The following PCDHA5 variants were observed in gnomAD, a reference collection of about 807,000 sequenced individuals.
PCDHA5 encodes protocadherin alpha 5.
PCDHA5 carries 43 observed loss-of-function variants against 61.6 expected under a neutral mutation model. That is an observed-to-expected ratio of 0.70 (90% CI 0.55 to 0.90). The LOEUF (loss-of-function observed/expected upper bound fraction) is 0.90. Ranked by LOEUF, PCDHA5 falls within the 40% of genes least tolerant of loss-of-function variation. The pLI is 0.00. For missense variants in PCDHA5, 1,298 were observed against 1,222.7 expected, an observed-to-expected ratio of 1.06 and a Z score of -0.92; for synonymous variants, 627 against 543.9, an observed-to-expected ratio of 1.15 and a Z score of -2.13.
In PCDHA5 at chr5:140,857,745, C is replaced by A. The variant is rs782206343; in HGVS notation, c.2352+33618C>A. ...AACGACAACGCTCCCGCGCTGCTGG[C>A]GTCTCCCGCTGGCAGCGCGGGCGGT... is the stretch of plus-strand genomic sequence containing the variant. On this transcript the variant is annotated intron_variant, in intron 1 of 3. Coordinates refer to ENST00000529859, the MANE Select transcript of PCDHA5 (RefSeq NM_018908.3). 4.6e-5 allele frequency: 73 copies of A among 1,597,310 alleles called. 8 individuals carry two copies. Among genetic ancestry groups the A allele is most frequent in the Non-Finnish European group, 5.8e-5 (68 of 1,167,612 alleles).
intron 3 of PCDHA5, among the ~76,000 whole-genome samples, chr5:141,007,395 C>CAA (rs35800918): frequency 2.8e-4 from 27 of 94,848 alleles, no homozygotes; most frequent in South Asian, 7.0e-4. Context: ...TACTAAAATA[C>CAA]AAAAAAAAAA....
chr5:140,834,793 A>G (rs1554134523), intron 1 of PCDHA5: 4 of 1,613,670 alleles, frequency 2.5e-6, no homozygotes, highest in South Asian at 2.2e-5. Flanking sequence ...CCAGCGACAC[A>G]AAGGAATCTG....
intron 1 of PCDHA5, chr5:140,848,677 C>T: frequency 6.3e-7 from 1 of 1,592,256 alleles, no homozygotes; most frequent in Non-Finnish European, 8.6e-7. Context: ...GAGCTGGTGC[C>T]GCGCCTGTTC....
intron 1 of PCDHA5, among the ~76,000 whole-genome samples, chr5:140,962,075 C>T (rs999623991): frequency 6.6e-6 from 1 of 151,836 alleles, no homozygotes; most frequent in South Asian, 2.1e-4. Context: ...TTAGTAGAGA[C>T]GGGGTTTCAC....
chr5:140,835,129 T>C, intron 1 of PCDHA5: 1 of 1,358,528 alleles, frequency 7.4e-7, no homozygotes, highest in Non-Finnish European at 1.0e-6. Context: ...CTGTATACGG[T>C]GAAATTACCA....
At position 140,849,753 on chromosome 5, in the gene PCDHA5, G is replaced by A. The variant is rs1294538786; in HGVS notation, c.2352+25626G>A. 17 of 1,598,282 alleles carry A rather than the reference G, an allele frequency of 1.1e-5. 1 individual carries two copies. Among genetic ancestry groups the A allele is most frequent in the Non-Finnish European group, 1.4e-5 (16 of 1,167,970 alleles). ...AGCTCTGGACCGCGAGAGTGTGTCC[G>A]CCTACGAGCTGGTGGTTACCGCGCG... On this transcript the variant is annotated intron_variant, in intron 1 of 3. Coordinates refer to ENST00000529859, the MANE Select transcript of PCDHA5 (RefSeq NM_018908.3).
chr5:140,871,032 C>G (rs1554165004), intron 1 of PCDHA5: 1 of 1,613,304 alleles, frequency 6.2e-7, no homozygotes. Flanking sequence ...ACTCGCCGCG[C>G]CACCGACTTC....
chr5:140,883,606 C>T (rs782093980), intron 1 of PCDHA5: 1 of 1,613,942 alleles, frequency 6.2e-7, no homozygotes, highest in South Asian at 1.1e-5. Flanking sequence ...TGGGGGTGGC[C>T]GACGTGAACG....
chr5:140,848,630 G>A (rs143400939), intron 1 of PCDHA5: 3 of 1,593,262 alleles, frequency 1.9e-6, no homozygotes, highest in African/African-American at 2.7e-5. Context: ...GCACCTTCGT[G>A]GGCCGCATCG....
At position 140,856,318 on chromosome 5, in the gene PCDHA5, C is replaced by T. The variant is rs200204071; in HGVS notation, c.2352+32191C>T. 8.1e-6 allele frequency: 13 copies of T among 1,598,576 alleles called. 2 individuals are homozygous for T. The African/African-American group carries it at 1.7e-4, about 21-fold the overall frequency. On this transcript the variant is annotated intron_variant, in intron 1 of 3. Transcript: ENST00000529859. ...TTTTGTTTGTGAATTCTCGGATTGACCGCGAGGAGCTGTGCGGGCGGAGCG... is the reference window on the plus strand; with the variant it reads ...TTTTGTTTGTGAATTCTCGGATTGATCGCGAGGAGCTGTGCGGGCGGAGCG...
intron 1 of PCDHA5, chr5:140,884,027 G>C (rs2059948411): frequency 6.2e-7 from 1 of 1,613,258 alleles, no homozygotes; most frequent in Admixed American, 1.7e-5. Context: ...GTCGGTGGGT[G>C]CAGGCCACGT....
chr5:140,971,771 T>C (rs1433692038), intron 1 of PCDHA5, among the ~76,000 whole-genome samples: 1 of 152,192 alleles, frequency 6.6e-6, no homozygotes, highest in Non-Finnish European at 1.5e-5. Context: ...TCTTGAATAT[T>C]ATTCAAGATT....
At chr5:140,850,158 G>T (rs1189332521) in intron 1 of PCDHA5, 3 of 1,595,230 alleles carry the variant, frequency 1.9e-6, no homozygotes, top group African/African-American at 2.7e-5. Flanking sequence ...GCAGGTGTTC[G>T]TGCTGGACGA....
chr5:140,962,339 G>A (rs1454430913), intron 1 of PCDHA5, among the ~76,000 whole-genome samples: 1 of 152,152 alleles, frequency 6.6e-6, no homozygotes, highest in Non-Finnish European at 1.5e-5. Flanking sequence ...TGATAAAGAA[G>A]TAAAACTCCC....
intron 1 of PCDHA5, among the ~76,000 whole-genome samples, chr5:140,910,650 C>T (rs565503828): frequency 6.6e-6 from 1 of 152,312 alleles, no homozygotes; most frequent in East Asian, 1.9e-4. Flanking sequence ...CCTTTTGATC[C>T]CTTCCTCTAC....
chr5:140,919,601 A>G (rs1465882979), intron 1 of PCDHA5, among the ~76,000 whole-genome samples: 1 of 152,178 alleles, frequency 6.6e-6, no homozygotes, highest in Non-Finnish European at 1.5e-5. Context: ...TTTAAAATAA[A>G]TTTTAAACTG....
intron 1 of PCDHA5, chr5:140,858,270 G>A (rs1554151358): frequency 6.3e-7 from 1 of 1,597,416 alleles, no homozygotes; most frequent in South Asian, 1.1e-5. Flanking sequence ...GTGTGCTCTA[G>A]CGCGGTGGGG....
At chr5:140,968,431 G>A in intron 1 of PCDHA5, 1 of 1,613,980 alleles carries the variant, frequency 6.2e-7, no homozygotes, top group Non-Finnish European at 8.5e-7. Context: ...AGGACAAGGG[G>A]AGCCCACCAC....
chr5:140,823,659 C>G lies in PCDHA5; in HGVS notation c.1884C>G (p.Gly628=), dbSNP rs1562273954. Residue 628 remains glycine, a synonymous_variant, in exon 1 of 4, where the codon GGC becomes GGG. Coordinates refer to ENST00000529859, the MANE Select transcript of PCDHA5 (RefSeq NM_018908.3). Reference sequence around the variant, plus strand: ...CGTTCCGCGTGGGGCTGTACACAGGCGAGATCAGCACAACACGCTCTCTGG... The same window carrying G: ...CGTTCCGCGTGGGGCTGTACACAGGGGAGATCAGCACAACACGCTCTCTGG... ...RIPFRVGLYT[G]EISTTRSLDE... The G allele has an allele frequency of 2.5e-6, 4 of 1,613,984 alleles. No homozygotes were observed. The highest frequency in any genetic ancestry group is 4.5e-5 in the East Asian group (2 of 44,864).
Sources: allele counts gnomAD v4.1 joint callset (sites outside exome capture counted in the v4.1 genomes callset), GRCh38; gene constraint gnomAD v4.1.1; transcripts MANE v1.5; gene names NCBI Gene and HGNC (gene_info 2026-07-23, HGNC 2026-07-21).